The following POP1 variants were observed in gnomAD, a reference collection of about 807,000 sequenced individuals.
The protein encoded by POP1 is ribonucleases P/MRP protein subunit POP1.
In POP1, 75 loss-of-function variants were observed where a neutral mutation model predicts 102.2. That is an observed-to-expected ratio of 0.73 (90% CI 0.61 to 0.89). The LOEUF (loss-of-function observed/expected upper bound fraction) is 0.89, where lower values mean the gene tolerates loss of function less well. Among genes scored for constraint, POP1 ranks in the 40% least tolerant of loss-of-function variants. The probability of loss-of-function intolerance (pLI) is 0.00; values close to 1 mark genes in which losing one functional copy is unlikely to be tolerated. For missense variants in POP1, 1,116 were observed against 1,267.4 expected (o/e 0.88, Z 1.81); for synonymous variants, 436 against 464.1 (o/e 0.94, Z 0.78).
intron 13 of POP1, 150 bp downstream of exon 13, chr8:98,149,156 A>T: frequency 2.7e-6 from 2 of 747,134 alleles, no homozygotes; most frequent in Non-Finnish European, 4.5e-6. Context: ...TGGATACAAG[A>T]TACTTCATAC....
At chr8:98,151,413 T>C (rs17184907) in intron 14 of POP1, among the ~76,000 whole-genome samples, 3,297 of 152,292 alleles carry the variant, frequency 0.022, 69 homozygotes, top group Middle Eastern at 0.068. Context: ...TACCTATCCA[T>C]TTAGACTTTT....
At chr8:98,138,429 G>C (rs1187038041) in intron 9 of POP1, among the ~76,000 whole-genome samples, 1 of 152,046 alleles carries the variant, frequency 6.6e-6, no homozygotes, top group Non-Finnish European at 1.5e-5. Context: ...TGAGCATTCT[G>C]CCTCCACCAC....
At chr8:98,131,180 C>A (rs115090513) in intron 5 of POP1, among the ~76,000 whole-genome samples, 1 of 152,216 alleles carries the variant, frequency 6.6e-6, no homozygotes, top group Non-Finnish European at 1.5e-5. Context: ...AGTACGTTTA[C>A]GTTGTGTAAT....
At chr8:98,127,448 T>G in intron 2 of POP1, 147 bp from the exon 3 acceptor site, 1 of 924,292 alleles carries the variant, frequency 1.1e-6, no homozygotes, top group Non-Finnish European at 1.7e-6. Flanking sequence ...GTAAGATTCC[T>G]CTTTAAAAAT....
rs1054050916 is a variant in POP1, at chr8:98,158,015, A to G, written c.2819A>G (p.Gln940Arg). ...GCGGGGGAAGAGCCCGTGGCTGGGC[A>G]GGAAGCTCTGACTCTAGGGCTGTGG... Reference protein sequence around the residue: ...GPAGEEPVAGQEALTLGLWSG... With the variant: ...GPAGEEPVAGREALTLGLWSG... Residue 940 changes from glutamine to arginine, a missense_variant, in exon 16 of 16, where the codon CAG becomes CGG. Coordinates refer to ENST00000401707, the MANE Select transcript of POP1 (RefSeq NM_001145860.2). 1.8e-5 allele frequency: 29 copies of G among 1,611,918 alleles called. No individual in the cohort carries two copies. Among genetic ancestry groups the G allele is most frequent in the Non-Finnish European group, 2.4e-5 (28 of 1,180,030 alleles).
chr8:98,159,763 G>C lies in POP1; in HGVS notation c.*1492G>C, dbSNP rs922386776. On this transcript the variant is annotated 3_prime_UTR_variant, in exon 16 of 16. Transcript: ENST00000401707. Reference sequence around the variant, plus strand: ...TCTGAATGTCTTTGGATCCAACCCAGATGAGACTGAAAAAAAAAAAACAGT... The same window carrying C: ...TCTGAATGTCTTTGGATCCAACCCACATGAGACTGAAAAAAAAAAAACAGT... 2.1e-4 allele frequency: 30 copies of C among 145,824 alleles called. No homozygotes were observed. The highest frequency in any genetic ancestry group is 1.7e-3 in the Admixed American group (25 of 14,908). 9.0% of individuals were successfully genotyped at this position (145,824 alleles called of 1,614,324 possible).
intron 15 of POP1, among the ~76,000 whole-genome samples, chr8:98,157,320 C>T (rs1809676660): frequency 6.6e-6 from 1 of 152,120 alleles, no homozygotes; most frequent in South Asian, 2.1e-4. Flanking sequence ...ATCTTAGTGG[C>T]TCTTTATTTT....
chr8:98,146,700 G>A lies in POP1; in HGVS notation c.1710+17G>A, dbSNP rs759676711. The stretch of plus-strand genomic sequence containing the variant: ...TCGGATCAGGTAACTAATAGTGTAA[G>A]GGTTATTGGTAAAGTCATGAATGAC... On this transcript the variant is annotated intron_variant, in intron 12 of 15. Transcript: ENST00000401707. 1.1e-5 allele frequency: 17 copies of A among 1,533,468 alleles called. No homozygotes were observed. The highest frequency in any genetic ancestry group is 1.4e-5 in the Non-Finnish European group (16 of 1,106,884). 95.0% of individuals were successfully genotyped at this position (1,533,468 alleles called of 1,614,324 possible). A position where few individuals can be genotyped will look rare whatever the true frequency, so the allele number is the denominator to read the frequency against.
At chr8:98,153,192 A>G (rs1415681125) in intron 14 of POP1, among the ~76,000 whole-genome samples, 4 of 151,308 alleles carry the variant, frequency 2.6e-5, no homozygotes. Context: ...CTGGTCTTGA[A>G]CTCCTGGCCT....
intron 12 of POP1, among the ~76,000 whole-genome samples, chr8:98,148,558 A>G (rs1295521143): frequency 1.3e-5 from 2 of 152,226 alleles, no homozygotes; most frequent in Admixed American, 1.3e-4. Context: ...ATCTTGATAT[A>G]AGAGATCAGC....
Position 98,127,746 on chromosome 8 carries a change from C to T in POP1, c.294C>T (p.Ile98=), listed in dbSNP as rs1393294386. ...KAGPEGTSQE[I]PKYITASTFA... Reference sequence around the variant, plus strand: ...GTCCCGAGGGCACGTCTCAGGAGATCCCCAAGTATATAACTGGTGGGTACT... The same window carrying T: ...GTCCCGAGGGCACGTCTCAGGAGATTCCCAAGTATATAACTGGTGGGTACT... The change falls in exon 3 of 16, where the codon ATC becomes ATT. Residue 98 remains isoleucine (I), a synonymous_variant. Transcript: ENST00000401707. The T allele has an allele frequency of 3.1e-6, 5 of 1,613,850 alleles. No homozygotes were observed. Among genetic ancestry groups the T allele is most frequent in the Middle Eastern group, 1.6e-4 (1 of 6,080 alleles).
At position 98,157,716 on chromosome 8, in the gene POP1, G is replaced by C. The variant is rs112467847; in HGVS notation, c.2520G>C (p.Leu840Phe). 1 of 1,614,094 alleles carries C rather than the reference G, an allele frequency of 6.2e-7. No individual in the cohort carries two copies. The highest frequency in any genetic ancestry group is 1.3e-5 in the African/African-American group (1 of 74,940). The change falls in exon 16 of 16, where the codon TTG becomes TTC. Residue 840 changes from leucine to phenylalanine, a missense_variant. Leu to Phe is a conservative substitution (Grantham distance 22). Transcript: ENST00000401707. The stretch of plus-strand genomic sequence containing the variant: ...CTCCCGGCAGAGGCCAGCAAGGATT[G>C]ACCAGAGAGGCTTGCCTGTCCATCT... ...RRAPGRGQQG[L>F]TREACLSILG... is the part of the protein sequence containing the mutation.
At position 98,156,254 on chromosome 8, in the gene POP1, G is replaced by A. The variant is rs552172526; in HGVS notation, c.2262G>A (p.Gln754=). The change falls in exon 15 of 16, where the codon CAG becomes CAA. Residue 754 remains glutamine, a synonymous_variant. Transcript: ENST00000401707. ...CTCCCATGCCTAAAAAAACTCATCA[G>A]CCATCTGATGAAGTGGGCACATCCA... is the stretch of plus-strand genomic sequence containing the variant. ...PCAPMPKKTH[Q]PSDEVGTSIE... The A allele has an allele frequency of 3.0e-5, 49 of 1,614,120 alleles. No homozygotes were observed. The East Asian group carries it at 1.0e-3, about 35-fold the overall frequency.
intron 7 of POP1, among the ~76,000 whole-genome samples, chr8:98,135,032 C>T (rs1379063739): frequency 6.6e-6 from 1 of 152,126 alleles, no homozygotes; most frequent in African/African-American, 2.4e-5. Flanking sequence ...AATCCCACCA[C>T]TTTGGGAGGC....
At chr8:98,124,983 C>T (rs1314301919) in intron 2 of POP1, among the ~76,000 whole-genome samples, 1 of 152,154 alleles carries the variant, frequency 6.6e-6, no homozygotes, top group Non-Finnish European at 1.5e-5. Context: ...ATTTTAGAGT[C>T]AAGTTCATAA....
At chr8:98,152,586 G>A (rs772934350) in intron 14 of POP1, among the ~76,000 whole-genome samples, 9 of 151,550 alleles carry the variant, frequency 5.9e-5, no homozygotes, top group African/African-American at 2.2e-4. Flanking sequence ...TTCATGTGTC[G>A]TGAAATATTA....
At chr8:98,150,677 G>C (rs1386201389) in intron 14 of POP1, 38 bp downstream of exon 14, 1 of 1,602,126 alleles carries the variant, frequency 6.2e-7, no homozygotes, top group Non-Finnish European at 8.5e-7. Context: ...AATGTATTAA[G>C]GAAAAGAGAA....
intron 5 of POP1, among the ~76,000 whole-genome samples, chr8:98,132,280 G>A (rs1816402652): frequency 1.3e-5 from 2 of 152,160 alleles, no homozygotes; most frequent in Admixed American, 6.5e-5. Context: ...GAGAGGTTAG[G>A]TAGTTTACCC....
At chr8:98,142,296 A>G (rs905448659) in intron 11 of POP1, among the ~76,000 whole-genome samples, 6 of 152,126 alleles carry the variant, frequency 3.9e-5, no homozygotes, top group South Asian at 2.1e-4. Flanking sequence ...AAGTCAAGCA[A>G]TCCTTCTGCC....
Sources: gnomAD v4.1 joint callset for allele counts (sites outside exome capture counted in the v4.1 genomes callset) on GRCh38, gnomAD v4.1.1 for gene constraint, MANE v1.5 for transcripts, NCBI Gene and HGNC (gene_info 2026-07-23, HGNC 2026-07-21) for gene names.